Variants in SYNE2 observed in about 807,000 individuals in gnomAD.
SYNE2 encodes nesprin-2.
SYNE2 carries 431 observed loss-of-function variants against 856.3 expected under a neutral mutation model. The ratio of observed to expected loss-of-function variants is 0.50; its 90% confidence interval spans 0.47 to 0.55. The LOEUF (loss-of-function observed/expected upper bound fraction) is 0.55. SYNE2 is among the 20% of genes least tolerant of loss of function. The pLI is 0.00. For missense variants in SYNE2, 8,129 were observed against 8,023.2 expected, an observed-to-expected ratio of 1.01 and a Z score of -0.50; for synonymous variants, 2,923 against 2,872.3, an observed-to-expected ratio of 1.02 and a Z score of -0.56.
At chr14:63,875,777 C>G (rs1233191765) in intron 1 of SYNE2, among the ~76,000 whole-genome samples, 1 of 152,078 alleles carries the variant, frequency 6.6e-6, no homozygotes, top group African/African-American at 2.4e-5. Flanking sequence ...CTTTTTCTGT[C>G]TTTTGGCACG....
At chr14:63,890,764 G>A (rs1279946524) in intron 1 of SYNE2, among the ~76,000 whole-genome samples, 1 of 152,194 alleles carries the variant, frequency 6.6e-6, no homozygotes, top group Admixed American at 6.5e-5. Flanking sequence ...GCTAGGTCCT[G>A]TCTGCCTTAA....
intron 87 of SYNE2, among the ~76,000 whole-genome samples, chr14:64,159,856 C>T (rs943773673): frequency 2.0e-5 from 3 of 152,050 alleles, no homozygotes; most frequent in Non-Finnish European, 2.9e-5. Context: ...GTATCTGTTG[C>T]GGAGGGCATT....
In SYNE2 at chr14:64,183,924, C is replaced by T. The variant is rs995347006; in HGVS notation, c.17557-2500C>T. Among the ~76,000 whole-genome samples, 7 of 122,686 alleles carry T rather than the reference C, an allele frequency of 5.7e-5. 1 individual carries two copies. Among genetic ancestry groups the T allele is most frequent in the African/African-American group, 1.9e-4 (6 of 31,858 alleles). The allele number at this position is 122,686 out of a possible 152,430, so 80.5% of individuals were successfully genotyped here. On this transcript the variant is annotated intron_variant, in intron 96 of 115. Coordinates refer to ENST00000555002, the MANE Select transcript of SYNE2 (RefSeq NM_182914.3). ...GACCGTGGAAAGAAGGGAGAGGGGG[C>T]TCGGCATCAGAGGGAGACGTGGAAA...
rs551236336 is a variant in SYNE2, at chr14:64,022,987, C to T, written c.5637+124C>T. The T allele has an allele frequency of 2.7e-3, 1,753 of 657,624 alleles. 33 individuals are homozygous for T. The highest frequency in any genetic ancestry group is 0.021 in the South Asian group (1,159 of 53,984). The allele number at this position is 657,624 out of a possible 1,614,324, so 40.7% of individuals were successfully genotyped here. A position where few individuals can be genotyped will look rare whatever the true frequency, so the allele number is the denominator to read the frequency against. ...CTCACACCTGTAATCCTAGCATTTT[C>T]GAAGGCTGAGGCTGGTGGATCACTT... On this transcript the variant is annotated intron_variant, in intron 38 of 115. Transcript: ENST00000555002.
chr14:63,975,408 C>T (rs1451490850), intron 11 of SYNE2, among the ~76,000 whole-genome samples: 2 of 152,208 alleles, frequency 1.3e-5, no homozygotes, highest in African/African-American at 4.8e-5. Context: ...TCATGGCTCA[C>T]TGTAGCCTTG....
rs568067071 is a variant in SYNE2, at chr14:64,017,221, C to T, written c.4888-374C>T. Among the ~76,000 whole-genome samples the T allele has an allele frequency of 7.4e-5, 11 of 148,340 alleles. No homozygotes were observed. In the East Asian group the frequency reaches 1.0e-3, roughly 13 times the overall value. ...GTGCATGCCTGTAATCTCAACTACACGGGAGGCTGAGGCAGGAGAATGGCG... is the reference window on the plus strand; with the variant it reads ...GTGCATGCCTGTAATCTCAACTACATGGGAGGCTGAGGCAGGAGAATGGCG... On this transcript the variant is annotated intron_variant, in intron 33 of 115. Coordinates refer to ENST00000555002, the MANE Select transcript of SYNE2 (RefSeq NM_182914.3).
chr14:63,785,225 C>T (rs1241874239), intron 1 of SYNE2, among the ~76,000 whole-genome samples: 2 of 151,758 alleles, frequency 1.3e-5, no homozygotes, highest in Non-Finnish European at 2.9e-5. Flanking sequence ...CTTGGGAGGT[C>T]AAGCGGGCAG....
Position 64,090,947 on chromosome 14 carries a change from A to G in SYNE2, c.11875A>G (p.Thr3959Ala). 1 of 1,614,162 alleles carries G rather than the reference A, an allele frequency of 6.2e-7. No individual in the cohort carries two copies. Among genetic ancestry groups the G allele is most frequent in the Admixed American group, 1.7e-5 (1 of 60,014 alleles). The change falls in exon 60 of 116, where the codon ACA (threonine) becomes GCA (alanine). Residue 3959 changes from threonine (T) to alanine (A), a missense_variant. This residue lies in a region of SYNE2 where 5,410 missense variants were observed against 5,284.8 expected (regional missense o/e 1.02). Transcript: ENST00000555002. ...CCAAGTGGAACTGAGGTTGCCCCAAACAGGAATGAAACCTCTGCCTGTGTT... is the reference window on the plus strand; with the variant it reads ...CCAAGTGGAACTGAGGTTGCCCCAAGCAGGAATGAAACCTCTGCCTGTGTT... ...SYQVELRLPQ[T>A]GMKPLPVFQR...
chr14:64,168,589 G>A (rs2098394797), intron 92 of SYNE2, among the ~76,000 whole-genome samples: 1 of 152,102 alleles, frequency 6.6e-6, no homozygotes, highest in Non-Finnish European at 1.5e-5. Flanking sequence ...AAATCCTAAG[G>A]CTGAGAAATA....
rs1227229108 is a variant in SYNE2 at position 64,078,614 on chromosome 14, C to A, written c.11163+8C>A. The A allele has an allele frequency of 6.2e-7, 1 of 1,613,384 alleles. No homozygotes were observed. Among genetic ancestry groups the A allele is most frequent in the Non-Finnish European group, 8.5e-7 (1 of 1,179,788 alleles). On this transcript the variant is annotated splice_region_variant and intron_variant, in intron 55 of 115. Coordinates refer to ENST00000555002, the MANE Select transcript of SYNE2 (RefSeq NM_182914.3). Reference sequence around the variant, plus strand: ...GCTCAAGAAATTCAAAAGGTAAAATCCTCCTTTAACTCCCTTCAGCATTTG... The same window carrying A: ...GCTCAAGAAATTCAAAAGGTAAAATACTCCTTTAACTCCCTTCAGCATTTG...
intron 1 of SYNE2, among the ~76,000 whole-genome samples, chr14:63,829,407 A>T (rs1314074592): frequency 6.6e-6 from 1 of 151,976 alleles, no homozygotes; most frequent in Non-Finnish European, 1.5e-5. Context: ...ACAGAGGAAG[A>T]TCCTGTGTCA....
chr14:63,785,272 A>C (rs1887475511), intron 1 of SYNE2, among the ~76,000 whole-genome samples: 1 of 152,044 alleles, frequency 6.6e-6, no homozygotes, highest in African/African-American at 2.4e-5. Flanking sequence ...CAGCCTGAGA[A>C]ACATGGCAAA....
intron 1 of SYNE2, among the ~76,000 whole-genome samples, chr14:63,773,975 G>T (rs186104240): frequency 6.6e-6 from 1 of 152,158 alleles, no homozygotes; most frequent in Non-Finnish European, 1.5e-5. Context: ...CTTTGCATTT[G>T]TAAGGCATTT....
chr14:63,885,349 C>T (rs2094958683), intron 1 of SYNE2, among the ~76,000 whole-genome samples: 2 of 151,980 alleles, frequency 1.3e-5, no homozygotes. Flanking sequence ...GTGAAGTTGG[C>T]GAGGCTCTAT....
chr14:63,787,147 G>A (rs568344317), intron 1 of SYNE2, among the ~76,000 whole-genome samples: 2 of 152,112 alleles, frequency 1.3e-5, no homozygotes, highest in African/African-American at 4.8e-5. Context: ...GGGTAATTGG[G>A]ATATCGACAA....
At chr14:64,140,335 G>A (rs957988921) in intron 80 of SYNE2, among the ~76,000 whole-genome samples, 1 of 152,222 alleles carries the variant, frequency 6.6e-6, no homozygotes, top group Non-Finnish European at 1.5e-5. Flanking sequence ...TGTAATCCCA[G>A]CACTTTGGGA....
intron 6 of SYNE2, among the ~76,000 whole-genome samples, chr14:63,947,165 C>T (rs553079992): frequency 1.3e-4 from 20 of 152,076 alleles, no homozygotes; most frequent in Middle Eastern, 3.4e-3. Flanking sequence ...TATTCTTTAA[C>T]GACCTCTTTT....
chr14:63,959,069 A>G (rs770133011), intron 8 of SYNE2, among the ~76,000 whole-genome samples: 2 of 152,074 alleles, frequency 1.3e-5, no homozygotes, highest in African/African-American at 2.4e-5. Flanking sequence ...TCTTAGGATC[A>G]GTCATTTCTC....
chr14:63,831,902 A>G (rs1388836572), intron 1 of SYNE2, among the ~76,000 whole-genome samples: 1 of 151,994 alleles, frequency 6.6e-6, no homozygotes, highest in Non-Finnish European at 1.5e-5. Flanking sequence ...CTAAAATATC[A>G]CATTATTTTA....
Sources: allele counts gnomAD v4.1 joint callset (sites outside exome capture counted in the v4.1 genomes callset), GRCh38; gene constraint gnomAD v4.1.1; regional missense constraint gnomAD v4.1.1; transcripts MANE v1.5; gene names NCBI Gene and HGNC (gene_info 2026-07-23, HGNC 2026-07-21).